MYLK4: variants seen among roughly 807,000 people sequenced by gnomAD.
MYLK4 encodes caMLCK like.
MYLK4 carries 46 observed loss-of-function variants against 48.1 expected under a neutral mutation model. The observed-to-expected ratio is 0.96, with a 90% CI of 0.75 to 1.22. MYLK4 has a LOEUF of 1.22. Among genes scored for constraint, MYLK4 ranks in the 50% most tolerant of loss-of-function variants. The pLI is 0.00. For missense variants in MYLK4, 451 were observed against 486.1 expected (o/e 0.93, Z 0.68); for synonymous variants, 170 against 180.8 (o/e 0.94, Z 0.48).
At chr6:2,681,087 T>G (rs1761280946) in intron 7 of MYLK4, among the ~76,000 whole-genome samples, 1 of 152,114 alleles carries the variant, frequency 6.6e-6, no homozygotes, top group South Asian at 2.1e-4. Context: ...TGATTTAAAG[T>G]CAAGGCCATT....
chr6:2,675,062 G>A lies in MYLK4; in HGVS notation c.1104C>T (p.Ser368=). The change falls in exon 11 of 13, where the codon TCC becomes TCT. Residue 368 remains serine, a synonymous_variant. Coordinates refer to ENST00000274643, the MANE Select transcript of MYLK4 (RefSeq NM_001012418.5). The stretch of plus-strand genomic sequence containing the variant: ...CCGTGGTCACCTGGGCATTGAGTCT[G>A]GAGTGGAGCTTGTGGTCTGACAACC... ...HPWLSDHKLH[S]RLNAQKKKNR... is the part of the protein sequence containing the mutation. 1 of 1,613,852 alleles carries A rather than the reference G, an allele frequency of 6.2e-7. No homozygotes were observed. The highest frequency in any genetic ancestry group is 8.5e-7 in the Non-Finnish European group (1 of 1,179,754).
At chr6:2,765,354 G>C in the MYLK4 span, 2 of 270,664 alleles carry the variant, frequency 7.4e-6, no homozygotes, top group African/African-American at 4.5e-5. Context: ...TACATGCCGC[G>C]CGAGGCGCCT....
In MYLK4 at chr6:2,692,776, G is replaced by A; in HGVS notation, c.235+8C>T. On this transcript the variant is annotated splice_region_variant and intron_variant, in intron 3 of 12. Transcript: ENST00000274643. ...ATCCATAACTATCTACTTTTCTAAA[G>A]ATGTTACCTGCGAGGGCTGATGTCC... The A allele has an allele frequency of 1.9e-6, 3 of 1,612,830 alleles. No homozygotes were observed. Among genetic ancestry groups the A allele is most frequent in the Non-Finnish European group, 2.5e-6 (3 of 1,179,502 alleles).
intron 2 of MYLK4, among the ~76,000 whole-genome samples, chr6:2,747,648 C>A (rs2113378645): frequency 6.6e-6 from 1 of 152,250 alleles, no homozygotes; most frequent in African/African-American, 2.4e-5. Context: ...AGCCATGTGT[C>A]CTGCTTATCT....
chr6:2,701,590 G>GCT, intron 2 of MYLK4, among the ~76,000 whole-genome samples: 1 of 152,326 alleles, frequency 6.6e-6, no homozygotes, highest in East Asian at 1.9e-4. Context: ...ATACTACAAA[G>GCT]CTCTTCAAAA....
chr6:2,717,733 G>GT (rs1762918754), intron 2 of MYLK4, among the ~76,000 whole-genome samples: 1 of 152,192 alleles, frequency 6.6e-6, no homozygotes, highest in Non-Finnish European at 1.5e-5. Context: ...ATTTGCCTGA[G>GT]TTCCTGATAA....
chr6:2,725,623 G>C (rs59746992), intron 2 of MYLK4, among the ~76,000 whole-genome samples: 2 of 145,954 alleles, frequency 1.4e-5, no homozygotes, highest in African/African-American at 5.2e-5. Context: ...AACAAACAAA[G>C]AAGGAAAGAA....
chr6:2,764,264 A>G, the MYLK4 span, among the ~76,000 whole-genome samples: 8 of 152,128 alleles, frequency 5.3e-5, no homozygotes, highest in Non-Finnish European at 7.4e-5. Context: ...ACAACTCTTA[A>G]CCAGCCAGCC....
chr6:2,683,249 G>C, intron 6 of MYLK4, 87 bp from the exon 7 acceptor site: 22 of 1,440,852 alleles, frequency 1.5e-5, no homozygotes, highest in Non-Finnish European at 2.1e-5. Context: ...TGCAAGTTCT[G>C]CTACCTCTTC....
rs1310950346 is a variant in MYLK4, at chr6:2,725,619, CAAA to C, written c.159+23514_159+23516del. Reference sequence around the variant, plus strand: ...AGAAAGAAAGAAACAAACAAACAAACAAAGAAGGAAAGAAAGAAAGAAGGAAAG... The same window carrying C: ...AGAAAGAAAGAAACAAACAAACAAACGAAGGAAAGAAAGAAAGAAGGAAAG... On this transcript the variant is annotated intron_variant, in intron 2 of 12. Transcript: ENST00000274643. 2.4e-5 allele frequency among the ~76,000 whole-genome samples: 3 copies of C among 123,724 alleles called. No homozygotes were observed. In the East Asian group the frequency reaches 6.5e-4, roughly 27 times the overall value. The allele number at this position is 123,724 out of a possible 152,430, so 81.2% of individuals were successfully genotyped here.
intron 3 of MYLK4, among the ~76,000 whole-genome samples, chr6:2,689,624 A>G (rs1229799362): frequency 3.3e-5 from 5 of 152,342 alleles, no homozygotes; most frequent in African/African-American, 1.2e-4. Flanking sequence ...TCTAACATAC[A>G]GAATTACTCA....
the MYLK4 span, among the ~76,000 whole-genome samples, chr6:2,763,291 G>C: frequency 6.6e-6 from 1 of 152,240 alleles, no homozygotes; most frequent in Non-Finnish European, 1.5e-5. Flanking sequence ...TTTCTGAACT[G>C]GGGCTGCAGT....
In MYLK4 at chr6:2,697,040, C is replaced by G. The variant is rs560278642; in HGVS notation, c.160-4181G>C. Among the ~76,000 whole-genome samples, 17 of 152,192 alleles carry G rather than the reference C, an allele frequency of 1.1e-4. No homozygotes were observed. In the Middle Eastern group the frequency reaches 0.014, roughly 122 times the overall value. On this transcript the variant is annotated intron_variant, in intron 2 of 12. Transcript: ENST00000274643. Reference sequence around the variant, plus strand: ...CGCCACTGCACTCCAGCCTTGGCAACAGAGAGAGACTCCGTCTCAAAAATA... The same window carrying G: ...CGCCACTGCACTCCAGCCTTGGCAAGAGAGAGAGACTCCGTCTCAAAAATA...
the MYLK4 span, among the ~76,000 whole-genome samples, chr6:2,757,342 T>G: frequency 6.6e-6 from 1 of 152,144 alleles, no homozygotes; most frequent in Admixed American, 6.5e-5. Context: ...GAAAACATCT[T>G]CAGTGTGAAT....
chr6:2,762,325 T>A, the MYLK4 span, among the ~76,000 whole-genome samples: 59 of 152,352 alleles, frequency 3.9e-4, no homozygotes, highest in African/African-American at 1.3e-3. Context: ...TGTCTAATCT[T>A]GAAACACGTC....
chr6:2,708,335 C>T (rs1762564619), intron 2 of MYLK4, among the ~76,000 whole-genome samples: 1 of 152,132 alleles, frequency 6.6e-6, no homozygotes, highest in Non-Finnish European at 1.5e-5. Flanking sequence ...TTCTCCTCTA[C>T]TGGGTTTGGG....
intron 6 of MYLK4, among the ~76,000 whole-genome samples, chr6:2,684,842 G>C (rs953913020): frequency 6.6e-6 from 1 of 152,042 alleles, no homozygotes; most frequent in African/African-American, 2.4e-5. Context: ...ATCCCTCTCC[G>C]ATACCAAGTA....
intron 2 of MYLK4, among the ~76,000 whole-genome samples, chr6:2,735,699 A>G (rs979203737): frequency 6.6e-6 from 1 of 152,136 alleles, no homozygotes; most frequent in African/African-American, 2.4e-5. Context: ...CTATGCACAC[A>G]CCTGGCTCAG....
chr6:2,700,450 T>C (rs1333033215), intron 2 of MYLK4, among the ~76,000 whole-genome samples: 2 of 152,206 alleles, frequency 1.3e-5, no homozygotes, highest in Non-Finnish European at 2.9e-5. Context: ...TGGCCTTTGT[T>C]CTGAGGCCTT....
Sources: gnomAD v4.1 joint callset for allele counts (sites outside exome capture counted in the v4.1 genomes callset) on GRCh38, gnomAD v4.1.1 for gene constraint, MANE v1.5 for transcripts, NCBI Gene and HGNC (gene_info 2026-07-23, HGNC 2026-07-21) for gene names.